FAM171A1: variants seen among roughly 807,000 people sequenced by gnomAD.
The protein encoded by FAM171A1 is family with sequence similarity 171 member A1.
Under a neutral mutation model 74.9 loss-of-function variants are expected in FAM171A1, and 23 were observed. The observed-to-expected ratio is 0.31, with a 90% confidence interval of 0.22 to 0.44. FAM171A1 has a LOEUF of 0.44. Among genes scored for constraint, FAM171A1 ranks in the 20% least tolerant of loss-of-function variants. The pLI is 1.00. For missense variants in FAM171A1, 1,162 were observed against 1,159.2 expected, an observed-to-expected ratio of 1.00 and a Z score of -0.03; for synonymous variants, 527 against 505.7, an observed-to-expected ratio of 1.04 and a Z score of -0.57.
intron 5 of FAM171A1, among the ~76,000 whole-genome samples, chr10:15,222,307 C>T (rs1422358125): frequency 1.3e-5 from 2 of 152,152 alleles, no homozygotes; most frequent in African/African-American, 4.8e-5. Context: ...CATTGTTCAT[C>T]GCTGTGCAAA....
At chr10:15,346,899 C>T (rs1835822574) in intron 1 of FAM171A1, among the ~76,000 whole-genome samples, 2 of 152,140 alleles carry the variant, frequency 1.3e-5, no homozygotes, top group African/African-American at 4.8e-5. Flanking sequence ...ACCGCTTTAG[C>T]AGTGCCCGAG....
intron 4 of FAM171A1, among the ~76,000 whole-genome samples, chr10:15,254,144 A>G (rs543692959): frequency 3.2e-4 from 48 of 152,324 alleles, no homozygotes; most frequent in African/African-American, 1.1e-3. Context: ...TGTGGGAAAG[A>G]GCTGGGTGGA....
chr10:15,373,201 C>T (rs1836170363), upstream of FAM171A1, among the ~76,000 whole-genome samples: 1 of 152,198 alleles, frequency 6.6e-6, no homozygotes, highest in African/African-American at 2.4e-5. Context: ...GCGCAAATCA[C>T]GCACCTGCAC....
intron 5 of FAM171A1, among the ~76,000 whole-genome samples, chr10:15,243,318 T>A (rs934847370): frequency 6.6e-6 from 1 of 152,130 alleles, no homozygotes; most frequent in African/African-American, 2.4e-5. Flanking sequence ...AGAAAGTCCA[T>A]GAGAATCACC....
chr10:15,319,724 C>T (rs1256818350), intron 1 of FAM171A1, among the ~76,000 whole-genome samples: 1 of 152,140 alleles, frequency 6.6e-6, no homozygotes, highest in African/African-American at 2.4e-5. Context: ...TGAGCCACCC[C>T]GCCTGGTCTG....
chr10:15,326,103 C>T (rs796080856), intron 1 of FAM171A1, among the ~76,000 whole-genome samples: 49 of 152,268 alleles, frequency 3.2e-4, no homozygotes, highest in African/African-American at 1.0e-3. Context: ...CCTAATTTAT[C>T]TGTTGGGAAA....
chr10:15,304,976 C>A (rs766247516), intron 1 of FAM171A1, among the ~76,000 whole-genome samples: 2 of 152,192 alleles, frequency 1.3e-5, no homozygotes, highest in African/African-American at 4.8e-5. Context: ...TCAAGTGATA[C>A]GCCTGCCTCA....
chr10:15,356,300 AC>A (rs1341463340), intron 1 of FAM171A1, among the ~76,000 whole-genome samples: 1 of 151,728 alleles, frequency 6.6e-6, no homozygotes, highest in African/African-American at 2.4e-5. Context: ...AACTAACAAT[AC>A]CTTATGTTTA....
chr10:15,215,976 C>T lies in FAM171A1; in HGVS notation c.986+20G>A, dbSNP rs1269469408. The stretch of plus-strand genomic sequence containing the variant: ...AAACTGTGAATTAAAAAAGATATTG[C>T]CAAAATGGTAACACTTTACCTGCAA... On this transcript the variant is annotated intron_variant, in intron 7 of 7. Transcript: ENST00000378116. The T allele has an allele frequency of 1.3e-6, 2 of 1,512,306 alleles. No individual in the cohort carries two copies. Among genetic ancestry groups the T allele is most frequent in the Non-Finnish European group, 1.8e-6 (2 of 1,113,770 alleles). The allele number at this position is 1,512,306 out of a possible 1,614,324, so 93.7% of individuals were successfully genotyped here. A position where few individuals can be genotyped will look rare whatever the true frequency, so the allele number is the denominator to read the frequency against.
chr10:15,363,731 C>G (rs1487627780), intron 1 of FAM171A1, among the ~76,000 whole-genome samples: 2 of 152,172 alleles, frequency 1.3e-5, no homozygotes, highest in Non-Finnish European at 2.9e-5. Flanking sequence ...CTGTTTGAGA[C>G]CCTGCCCAAA....
At position 15,275,876 on chromosome 10, in the gene FAM171A1, GGAC is replaced by G; in HGVS notation, c.394_396del (p.Val132del). On this transcript the variant is annotated inframe_deletion, in exon 3 of 8. Transcript: ENST00000378116. ...ATACCTTGGAATCCTGATACTATTT[GGAC>G]GACATCTTCATATACCATTAGAGTG... The G allele has an allele frequency of 6.2e-7, 1 of 1,610,528 alleles. No homozygotes were observed. Among genetic ancestry groups the G allele is most frequent in the Non-Finnish European group, 8.5e-7 (1 of 1,177,950 alleles).
intron 1 of FAM171A1, among the ~76,000 whole-genome samples, chr10:15,363,280 G>C (rs557175648): frequency 6.6e-6 from 1 of 152,342 alleles, no homozygotes; most frequent in East Asian, 1.9e-4. Context: ...TGCAGGACAG[G>C]AATGTGAATT....
intron 1 of FAM171A1, among the ~76,000 whole-genome samples, chr10:15,334,939 C>T (rs972066732): frequency 2.6e-5 from 4 of 152,120 alleles, no homozygotes; most frequent in Non-Finnish European, 5.9e-5. Context: ...CTACAAAATC[C>T]CGATTCAAGA....
intron 3 of FAM171A1, among the ~76,000 whole-genome samples, chr10:15,268,624 A>G (rs1227307660): frequency 6.6e-6 from 1 of 151,964 alleles, no homozygotes; most frequent in Non-Finnish European, 1.5e-5. Context: ...TGGGCTGGAG[A>G]GACGGAATCA....
chr10:15,359,989 C>T (rs867308685), intron 1 of FAM171A1, among the ~76,000 whole-genome samples: 15 of 152,132 alleles, frequency 9.9e-5, no homozygotes, highest in Non-Finnish European at 1.6e-4. Context: ...GGTTGGAGTG[C>T]GGTTATGTGA....
chr10:15,285,483 T>C (rs1033813828), intron 1 of FAM171A1, among the ~76,000 whole-genome samples: 1 of 152,142 alleles, frequency 6.6e-6, no homozygotes, highest in African/African-American at 2.4e-5. Context: ...AAGCATTCAA[T>C]TAAGAGGACT....
chr10:15,322,037 T>C (rs1426427774), intron 1 of FAM171A1, among the ~76,000 whole-genome samples: 1 of 152,248 alleles, frequency 6.6e-6, no homozygotes, highest in African/African-American at 2.4e-5. Flanking sequence ...ATGGTTCTAA[T>C]TCCTTTCACA....
chr10:15,245,115 G>A (rs961892230), intron 5 of FAM171A1, among the ~76,000 whole-genome samples: 10 of 151,958 alleles, frequency 6.6e-5, no homozygotes, highest in African/African-American at 2.2e-4. Flanking sequence ...ATCCAAGCTG[G>A]AGTGTGGGGA....
chr10:15,319,283 C>T (rs543605995), intron 1 of FAM171A1, among the ~76,000 whole-genome samples: 22 of 152,256 alleles, frequency 1.4e-4, no homozygotes, highest in African/African-American at 5.1e-4. Context: ...TGATACGTCT[C>T]CTTCCCCTCC....
Sources: gnomAD v4.1 joint callset for allele counts (sites outside exome capture counted in the v4.1 genomes callset) on GRCh38, gnomAD v4.1.1 for gene constraint, MANE v1.5 for transcripts, NCBI Gene and HGNC (gene_info 2026-07-23, HGNC 2026-07-21) for gene names.